The following SCIMP variants were observed in gnomAD, a reference collection of about 807,000 sequenced individuals.
SCIMP encodes SLP adapter and CSK-interacting membrane protein.
A neutral mutation model predicts 22.0 loss-of-function variants in SCIMP; 18 were observed. The ratio of observed to expected loss-of-function variants is 0.82; its 90% confidence interval spans 0.56 to 1.21. The LOEUF is 1.21. Among genes scored for constraint, SCIMP ranks in the 50% most tolerant of loss-of-function variants. The probability of loss-of-function intolerance (pLI) is 0.00; values close to 1 mark genes in which losing one functional copy is unlikely to be tolerated. For synonymous variants in SCIMP, 53 were observed against 62.2 expected (o/e 0.85, Z 0.70); for missense variants, 155 against 171.2 (o/e 0.91, Z 0.53).
At chr17:5,232,093 G>A (rs1042643828) in intron 1 of SCIMP, among the ~76,000 whole-genome samples, 1 of 152,186 alleles carries the variant, frequency 6.6e-6, no homozygotes, top group African/African-American at 2.4e-5. Context: ...TCAGTGATTG[G>A]CTTACTGTGC....
At chr17:5,216,037 C>CA (rs1295753015) in intron 3 of SCIMP, among the ~76,000 whole-genome samples, 1 of 151,676 alleles carries the variant, frequency 6.6e-6, no homozygotes, top group Non-Finnish European at 1.5e-5. Context: ...CCAGTCTCTA[C>CA]AAAAAAATCA....
In SCIMP at chr17:5,221,313, CT is replaced by C. The variant is rs781037048; in HGVS notation, c.182del (p.Lys61SerfsTer3). ...CATACATCTTTTCTTCATCTACTTG[CT>C]TGTGTTTCAGGGGCTTGGCAATTTC... is the stretch of plus-strand genomic sequence containing the variant. ...KWEIAKPLKH[K>X]QVDEEKMYEN... On this transcript the variant is annotated frameshift_variant, in exon 3 of 5. Transcript: ENST00000574081. LOFTEE classifies it high-confidence loss of function. 2 of 1,613,654 alleles carry C rather than the reference CT, an allele frequency of 1.2e-6. No individual in the cohort carries two copies. The highest frequency in any genetic ancestry group is 1.7e-6 in the Non-Finnish European group (2 of 1,179,588).
chr17:5,211,917 G>A (rs753898933), intron 4 of SCIMP, among the ~76,000 whole-genome samples: 4 of 152,132 alleles, frequency 2.6e-5, no homozygotes, highest in Middle Eastern at 3.4e-3. Context: ...GCGTGATGGC[G>A]GGTGCCTATA....
intron 1 of SCIMP, among the ~76,000 whole-genome samples, chr17:5,227,901 G>A (rs771658025): frequency 7.2e-5 from 11 of 152,258 alleles, no homozygotes; most frequent in Admixed American, 1.3e-4. Context: ...TATGTTGGGC[G>A]CGGTGGCTCA....
intron 1 of SCIMP, among the ~76,000 whole-genome samples, chr17:5,226,994 G>A (rs568826003): frequency 6.6e-6 from 1 of 152,168 alleles, no homozygotes; most frequent in East Asian, 1.9e-4. Context: ...ACAGAAAACA[G>A]GGAGTACACA....
At chr17:5,229,874 GCTCCTCTCCTCTCCA>G (rs1260120526) in intron 1 of SCIMP, among the ~76,000 whole-genome samples, 2 of 123,436 alleles carry the variant, frequency 1.6e-5, no homozygotes, top group African/African-American at 6.4e-5. Flanking sequence ...TCTCCTCTCT[GCTCCTCTCCTCTCCA>G]CTCCTCTCCT....
At chr17:5,213,680 C>G (rs2074543684) in intron 4 of SCIMP, 1 of 152,144 alleles carries the variant, frequency 6.6e-6, no homozygotes, top group Admixed American at 6.6e-5. Context: ...AACCCCGTCT[C>G]TACTAAACAT....
chr17:5,220,432 CAAAAAAAAAAAA>C (rs908309110), intron 3 of SCIMP, among the ~76,000 whole-genome samples: 106 of 63,740 alleles, frequency 1.7e-3, no homozygotes, highest in Non-Finnish European at 1.4e-3. Context: ...ACCCCATCTC[CAAAAAAAAAAAA>C]AAAAAAAAAA....
In SCIMP at chr17:5,210,526, C is replaced by T. The variant is rs540843751; in HGVS notation, c.*275G>A. Reference sequence around the variant, plus strand: ...CCCACAGGTGGGAGCCATGGAGCCCCGTGGTCCTTCCCATGGAAAGTTTCC... The same window carrying T: ...CCCACAGGTGGGAGCCATGGAGCCCTGTGGTCCTTCCCATGGAAAGTTTCC... On this transcript the variant is annotated 3_prime_UTR_variant, in exon 5 of 5. Transcript: ENST00000574081. The T allele has an allele frequency of 7.4e-5, 25 of 339,302 alleles. No individual in the cohort carries two copies. The South Asian group carries it at 1.1e-3, about 14-fold the overall frequency. 21.0% of individuals were successfully genotyped at this position (339,302 alleles called of 1,614,324 possible).
chr17:5,218,448 T>C (rs751927353), intron 3 of SCIMP, among the ~76,000 whole-genome samples: 1 of 152,120 alleles, frequency 6.6e-6, no homozygotes, highest in Non-Finnish European at 1.5e-5. Context: ...CAAGCAATTC[T>C]CCTGCCTTAG....
Position 5,216,790 on chromosome 17 carries a change from C to G in SCIMP, c.210-1792G>C, listed in dbSNP as rs114612201. ...AAGTCAGCCTCTGAAGTGCTGGTAA[C>G]GTCCTATTTCTTGATCTGGGTGCCA... On this transcript the variant is annotated intron_variant, in intron 3 of 4. Transcript: ENST00000574081. Among the ~76,000 whole-genome samples the G allele has an allele frequency of 4.6e-3, 697 of 152,270 alleles. 6 individuals are homozygous for G. Among genetic ancestry groups the G allele is most frequent in the African/African-American group, 0.016 (650 of 41,546 alleles).
At position 5,234,779 on chromosome 17, in the gene SCIMP, A is replaced by G. The variant is rs375613662; in HGVS notation, c.-24T>C. Reference sequence around the variant, plus strand: ...ATATGTGAGCAGCTAAGGAGACAGCAGTGGCTGGAGTGCTGCAGCTCAGGC... The same window carrying G: ...ATATGTGAGCAGCTAAGGAGACAGCGGTGGCTGGAGTGCTGCAGCTCAGGC... On this transcript the variant is annotated 5_prime_UTR_variant, in exon 1 of 5. Coordinates refer to ENST00000574081, the MANE Select transcript of SCIMP (RefSeq NM_207103.3). The G allele has an allele frequency of 2.9e-5, 47 of 1,604,414 alleles. No individual in the cohort carries two copies. Among genetic ancestry groups the G allele is most frequent in the Non-Finnish European group, 3.6e-5 (42 of 1,175,824 alleles).
At chr17:5,225,301 C>T (rs550724869) in intron 1 of SCIMP, among the ~76,000 whole-genome samples, 78 of 152,230 alleles carry the variant, frequency 5.1e-4, no homozygotes, top group African/African-American at 1.8e-3. Context: ...CCTGTCTCTA[C>T]TAAAAATACA....
At chr17:5,212,673 G>A (rs750934496) in intron 4 of SCIMP, among the ~76,000 whole-genome samples, 25 of 152,218 alleles carry the variant, frequency 1.6e-4, no homozygotes, top group Non-Finnish European at 3.2e-4. Context: ...GGCTTGTAGA[G>A]TTGTGAGGAG....
chr17:5,224,533 G>A lies in SCIMP; in HGVS notation c.22-1077C>T, dbSNP rs1392024381. Among the ~76,000 whole-genome samples the A allele has an allele frequency of 4.0e-5, 6 of 151,580 alleles. No individual in the cohort carries two copies. The East Asian group carries it at 1.2e-3, about 30-fold the overall frequency. ...GCTGGAGTGCAGTGGCGCGATCTTGGCTCACTGCAACCTCTGCCTCCCAAG... is the reference window on the plus strand; with the variant it reads ...GCTGGAGTGCAGTGGCGCGATCTTGACTCACTGCAACCTCTGCCTCCCAAG... On this transcript the variant is annotated intron_variant, in intron 1 of 4. Transcript: ENST00000574081.
chr17:5,215,055 G>A, intron 3 of SCIMP, 57 bp from the exon 4 acceptor site: 1 of 1,057,328 alleles, frequency 9.5e-7, no homozygotes, highest in Non-Finnish European at 1.5e-6. Flanking sequence ...CCTGCTCCCA[G>A]CCGATTTAAG....
At chr17:5,219,414 G>A (rs2074589408) in intron 3 of SCIMP, among the ~76,000 whole-genome samples, 1 of 152,074 alleles carries the variant, frequency 6.6e-6, no homozygotes, top group Non-Finnish European at 1.5e-5. Flanking sequence ...ATCACTTGAG[G>A]TCAGGAGTTC....
Position 5,210,667 on chromosome 17 carries a change from A to C in SCIMP, c.*134T>G. On this transcript the variant is annotated 3_prime_UTR_variant, in exon 5 of 5. Coordinates refer to ENST00000574081, the MANE Select transcript of SCIMP (RefSeq NM_207103.3). The stretch of plus-strand genomic sequence containing the variant: ...TCATCTAAGGTTTGGGAAGTGCTTT[A>C]TCTTATAGAGCTTCATAAAATCACC... The C allele has an allele frequency of 8.1e-7, 1 of 1,229,496 alleles. No homozygotes were observed. Among genetic ancestry groups the C allele is most frequent in the South Asian group, 1.6e-5 (1 of 63,670 alleles). The allele number at this position is 1,229,496 out of a possible 1,614,324, so 76.2% of individuals were successfully genotyped here. A position where few individuals can be genotyped will look rare whatever the true frequency, so the allele number is the denominator to read the frequency against.
chr17:5,217,380 TTGTGTGTGTG>T lies in SCIMP; in HGVS notation c.210-2392_210-2383del, dbSNP rs10554192. On this transcript the variant is annotated intron_variant, in intron 3 of 4. Coordinates refer to ENST00000574081, the MANE Select transcript of SCIMP (RefSeq NM_207103.3). ...CCCAGTTTTATTCTTTTTTGTTTGC[TTGTGTGTGTG>T]TGTGTGTGTGTGTGTGTGTGTTTGT... is the stretch of plus-strand genomic sequence containing the variant. Among the ~76,000 whole-genome samples the T allele has an allele frequency of 4.7e-3, 706 of 149,046 alleles. 3 individuals are homozygous for T. Among genetic ancestry groups the T allele is most frequent in the Non-Finnish European group, 7.2e-3 (486 of 67,202 alleles).
Sources: allele counts gnomAD v4.1 joint callset (sites outside exome capture counted in the v4.1 genomes callset), GRCh38; gene constraint gnomAD v4.1.1; transcripts MANE v1.5; gene names NCBI Gene and HGNC (gene_info 2026-07-23, HGNC 2026-07-21).